Variants in KLHL5 observed in about 807,000 individuals in gnomAD.
KLHL5 encodes kelch like family member 5, also known as kelch-like protein 5.
A neutral mutation model predicts 77.7 loss-of-function variants in KLHL5; 48 were observed. The ratio of observed to expected loss-of-function variants is 0.62; its 90% CI spans 0.49 to 0.79. The LOEUF is 0.79. Ranked by LOEUF, KLHL5 falls within the 30% of genes least tolerant of loss-of-function variation. The probability of loss-of-function intolerance (pLI) is 0.00; values close to 1 mark genes in which losing one functional copy is unlikely to be tolerated. For missense variants in KLHL5, 723 were observed against 859.7 expected (o/e 0.84, Z 1.99); for synonymous variants, 260 against 297.0 (o/e 0.88, Z 1.28).
chr4:39,132,667 T>C, the KLHL5 span, among the ~76,000 whole-genome samples: 3 of 151,950 alleles, frequency 2.0e-5, no homozygotes, highest in African/African-American at 7.3e-5. Context: ...TCATTGTCAT[T>C]TTCTACCAGT....
rs1553892884 is a variant in KLHL5 at position 39,101,126 on chromosome 4, T to TATACA, written c.1301-2161_1301-2160insATACA. Among the ~76,000 whole-genome samples the TATACA allele has an allele frequency of 1.4e-3, 188 of 134,802 alleles. 2 individuals carry two copies. The highest frequency in any genetic ancestry group is 1.8e-3 in the Admixed American group (24 of 13,304). The allele number at this position is 134,802 out of a possible 152,430, so 88.4% of individuals were successfully genotyped here. A position where few individuals can be genotyped will look rare whatever the true frequency, so the allele number is the denominator to read the frequency against. On this transcript the variant is annotated intron_variant, in intron 6 of 10. Transcript: ENST00000504108. ...TTTGTTAATTTTGGATATTTGGATT[T>TATACA]TATATATATATATATATATATCTAC...
chr4:39,091,011 A>G (rs1720493057), intron 5 of KLHL5, among the ~76,000 whole-genome samples: 1 of 143,300 alleles, frequency 7.0e-6, no homozygotes, highest in Non-Finnish European at 1.5e-5. Context: ...TTTTTAAGAC[A>G]GAGTCTCACT....
Position 39,113,183 on chromosome 4 carries a change from G to T in KLHL5, c.1852G>T (p.Asp618Tyr). ...ACTGCTGTATGCTATAGGGGGGCACGATGCTCCCGCATCCAACTTGACTTC... is the reference window on the plus strand; with the variant it reads ...ACTGCTGTATGCTATAGGGGGGCACTATGCTCCCGCATCCAACTTGACTTC... ...NGLLYAIGGH[D>Y]APASNLTSRL... The change falls in exon 9 of 11, where the codon GAT becomes TAT. Residue 618 changes from aspartate (D) to tyrosine (Y), a missense_variant. Asp to Tyr is a radical substitution (Grantham distance 160). Transcript: ENST00000504108. 1 of 1,614,048 alleles carries T rather than the reference G, an allele frequency of 6.2e-7. No individual in the cohort carries two copies. The highest frequency in any genetic ancestry group is 8.5e-7 in the Non-Finnish European group (1 of 1,179,952).
chr4:39,073,986 TA>T (rs1198887643), intron 1 of KLHL5, among the ~76,000 whole-genome samples: 1 of 152,070 alleles, frequency 6.6e-6, no homozygotes. Context: ...AAACCACCAT[TA>T]TTTTTTTGCT....
chr4:39,106,173 G>T (rs1373761380), intron 7 of KLHL5, among the ~76,000 whole-genome samples: 1 of 151,986 alleles, frequency 6.6e-6, no homozygotes, highest in Non-Finnish European at 1.5e-5. Context: ...ACCCTGCCTA[G>T]CCAGACTGGC....
At chr4:39,116,056 G>T in intron 10 of KLHL5, 2 of 984,950 alleles carry the variant, frequency 2.0e-6, no homozygotes, top group Non-Finnish European at 2.4e-6. Flanking sequence ...TTCTAGGCCA[G>T]GCATGGTGGC....
At chr4:39,098,388 G>A (rs1721255758) in intron 6 of KLHL5, among the ~76,000 whole-genome samples, 2 of 151,284 alleles carry the variant, frequency 1.3e-5, no homozygotes, top group African/African-American at 4.9e-5. Flanking sequence ...TCAGCCTCCT[G>A]AGTAGCTGGG....
At chr4:39,084,689 C>T (rs1354747960) in intron 4 of KLHL5, among the ~76,000 whole-genome samples, 2 of 152,218 alleles carry the variant, frequency 1.3e-5, no homozygotes, top group East Asian at 1.9e-4. Context: ...TGCATATTTA[C>T]GTGATAGTCC....
intron 6 of KLHL5, among the ~76,000 whole-genome samples, chr4:39,101,366 G>T (rs1263726453): frequency 6.6e-6 from 1 of 151,718 alleles, no homozygotes; most frequent in Non-Finnish European, 1.5e-5. Flanking sequence ...TTATTTAATG[G>T]AAGGGATAAT....
rs1309761503 is a variant in KLHL5 at position 39,113,582 on chromosome 4, CTAA to C, written c.1901+357_1901+359del. 2.0e-5 allele frequency among the ~76,000 whole-genome samples: 3 copies of C among 152,134 alleles called. No individual in the cohort carries two copies. In the East Asian group the frequency reaches 5.8e-4, roughly 29 times the overall value. On this transcript the variant is annotated intron_variant, in intron 9 of 10. Transcript: ENST00000504108. ...ATGTGTTTTGATATGAAATAAAAAA[CTAA>C]TAATAAGGCTTACAAACGTAAGTCA...
chr4:39,109,637 CTT>C (rs60921018), intron 8 of KLHL5, among the ~76,000 whole-genome samples: 94 of 128,526 alleles, frequency 7.3e-4, no homozygotes, highest in Non-Finnish European at 1.1e-3. Context: ...CTTTTTTTTT[CTT>C]TTTTTTTTTT....
In KLHL5 at chr4:39,085,888, G is replaced by A. The variant is rs77265587; in HGVS notation, c.901-627G>A. Among the ~76,000 whole-genome samples, 593 of 152,088 alleles carry A rather than the reference G, an allele frequency of 3.9e-3. 6 individuals are homozygous for A. The highest frequency in any genetic ancestry group is 0.014 in the African/African-American group (566 of 41,482). On this transcript the variant is annotated intron_variant, in intron 4 of 10. Transcript: ENST00000504108. ...GACCCTTAAAAGAGATTAAAAATTCGAAAACAGACCCAAAATCCTAGATGA... is the reference window on the plus strand; with the variant it reads ...GACCCTTAAAAGAGATTAAAAATTCAAAAACAGACCCAAAATCCTAGATGA...
chr4:39,138,560 C>T, the KLHL5 span, among the ~76,000 whole-genome samples: 2 of 152,004 alleles, frequency 1.3e-5, no homozygotes, highest in Non-Finnish European at 2.9e-5. Flanking sequence ...GATGAGAACT[C>T]ATGGACACAT....
intron 1 of KLHL5, among the ~76,000 whole-genome samples, chr4:39,045,561 A>G (rs1716118355): frequency 6.6e-6 from 1 of 151,658 alleles, no homozygotes; most frequent in South Asian, 2.1e-4. Flanking sequence ...TTTAAATAAT[A>G]CCCTCGCCCC....
Position 39,080,967 on chromosome 4 carries a change from G to A in KLHL5, c.567-136G>A, listed in dbSNP as rs1719560424. 4 of 784,654 alleles carry A rather than the reference G, an allele frequency of 5.1e-6. No homozygotes were observed. In the African/African-American group the frequency reaches 5.3e-5, roughly 10 times the overall value. The allele number at this position is 784,654 out of a possible 1,614,324, so 48.6% of individuals were successfully genotyped here. On this transcript the variant is annotated intron_variant, in intron 2 of 10. Coordinates refer to ENST00000504108, the MANE Select transcript of KLHL5 (RefSeq NM_015990.5). ...TCAAAGGAAGGAACTAGAGCATAAA[G>A]CAATTTGTCAAGCTTAAAATGCATT...
the KLHL5 span, among the ~76,000 whole-genome samples, chr4:39,138,718 A>G: frequency 6.6e-6 from 1 of 152,202 alleles, no homozygotes; most frequent in Non-Finnish European, 1.5e-5. Context: ...AAGTATACCT[A>G]TGTCACAAAC....
chr4:39,115,019 A>G (rs1722734529), intron 9 of KLHL5, 140 bp from the exon 10 acceptor site: 4 of 738,424 alleles, frequency 5.4e-6, no homozygotes, highest in Admixed American at 3.2e-5. Flanking sequence ...AGAAATACTG[A>G]TATTTTTCTC....
chr4:39,117,033 T>C (rs9990428), intron 10 of KLHL5, among the ~76,000 whole-genome samples: 80,118 of 151,894 alleles, frequency 0.53, 21,694 homozygotes, highest in Non-Finnish European at 0.59. Flanking sequence ...GACGGGGTTT[T>C]GTCATGTTGG....
At chr4:39,112,981 C>T (rs755752665) in intron 8 of KLHL5, 39 bp from the exon 9 acceptor site, 8 of 1,556,678 alleles carry the variant, frequency 5.1e-6, no homozygotes, top group Non-Finnish European at 6.2e-6. Context: ...AGCATAATGG[C>T]ACATGTCTTA....
Sources: allele counts gnomAD v4.1 joint callset (sites outside exome capture counted in the v4.1 genomes callset), GRCh38; gene constraint gnomAD v4.1.1; transcripts MANE v1.5; gene names NCBI Gene and HGNC (gene_info 2026-07-23, HGNC 2026-07-21).